The following FHIT variants were observed in gnomAD, a reference collection of about 807,000 sequenced individuals.
The protein encoded by FHIT is bis(5'-adenosyl)-triphosphatase.
A neutral mutation model predicts 17.9 loss-of-function variants in FHIT; 19 were observed. The observed-to-expected ratio is 1.06, with a 90% CI of 0.74 to 1.56. The LOEUF is 1.56. Ranked by LOEUF, FHIT falls within the 40% of genes most tolerant of loss-of-function variation. The pLI is 0.00. For synonymous variants in FHIT, 81 were observed against 69.7 expected (o/e 1.16, Z -0.81); for missense variants, 248 against 189.2 (o/e 1.31, Z -1.82).
intron 4 of FHIT, among the ~76,000 whole-genome samples, chr3:60,673,869 A>G (rs1478034667): frequency 6.6e-6 from 1 of 152,128 alleles, no homozygotes; most frequent in Non-Finnish European, 1.5e-5. Flanking sequence ...GTTGGCCGTC[A>G]TACATCCAGG....
chr3:60,162,052 G>A (rs909367925), intron 5 of FHIT, among the ~76,000 whole-genome samples: 8 of 152,080 alleles, frequency 5.3e-5, no homozygotes, highest in African/African-American at 1.7e-4. Flanking sequence ...GAAATGTATG[G>A]GGAAATGTTA....
intron 5 of FHIT, among the ~76,000 whole-genome samples, chr3:60,055,447 TC>T (rs1329465628): frequency 1.6e-3 from 194 of 123,032 alleles, no homozygotes; most frequent in African/African-American, 5.5e-3. Context: ...TGATGGACTT[TC>T]TTTTTTTTTT....
chr3:59,969,547 G>C (rs1287812041), intron 7 of FHIT, among the ~76,000 whole-genome samples: 1 of 151,924 alleles, frequency 6.6e-6, no homozygotes, highest in Non-Finnish European at 1.5e-5. Context: ...ATTTGGCTCT[G>C]GTAAAAACAA....
chr3:60,739,501 G>A (rs868936907), intron 4 of FHIT, among the ~76,000 whole-genome samples: 7 of 152,144 alleles, frequency 4.6e-5, no homozygotes, highest in East Asian at 1.9e-4. Flanking sequence ...CACCCCTGTC[G>A]CATGCCCCAT....
intron 4 of FHIT, among the ~76,000 whole-genome samples, chr3:60,687,328 C>T (rs1017240800): frequency 1.3e-5 from 2 of 152,140 alleles, no homozygotes; most frequent in Admixed American, 6.5e-5. Context: ...CTAAATACAG[C>T]TTTAGCCATT....
chr3:61,082,546 A>T (rs892965571), intron 2 of FHIT, among the ~76,000 whole-genome samples: 2 of 152,182 alleles, frequency 1.3e-5, no homozygotes, highest in Non-Finnish European at 2.9e-5. Context: ...GAACATTCTC[A>T]CATTTTTAGC....
intron 3 of FHIT, among the ~76,000 whole-genome samples, chr3:60,990,888 A>G (rs1393231474): frequency 1.3e-5 from 2 of 152,246 alleles, no homozygotes; most frequent in Non-Finnish European, 2.9e-5. Context: ...TTGAAAACAT[A>G]CATTTTTCCA....
rs139217046 is a variant in FHIT at position 60,948,260 on chromosome 3, G to A, written c.-111+93787C>T. Among the ~76,000 whole-genome samples, 506 of 152,192 alleles carry A rather than the reference G, an allele frequency of 3.3e-3. 2 individuals are homozygous for A. The highest frequency in any genetic ancestry group is 5.3e-3 in the Non-Finnish European group (363 of 68,006). On this transcript the variant is annotated intron_variant, in intron 3 of 9. Transcript: ENST00000492590. ...TAAGCACTGGCAAGTCAGGCAGAAG[G>A]CCCAAAGGACCTAACAGCCCATAGG...
At chr3:60,766,271 T>C (rs7429680) in intron 4 of FHIT, among the ~76,000 whole-genome samples, 85,929 of 152,038 alleles carry the variant, frequency 0.57, 25,546 homozygotes, top group African/African-American at 0.74. Context: ...CTCTCCTCAT[T>C]GCTGCCTTTC....
intron 5 of FHIT, among the ~76,000 whole-genome samples, chr3:60,020,565 C>T (rs1350071552): frequency 6.6e-6 from 1 of 152,076 alleles, no homozygotes; most frequent in Admixed American, 6.6e-5. Context: ...TTCTTCTGAA[C>T]TAATAAAAAA....
At chr3:60,651,635 T>C (rs1375542773) in intron 4 of FHIT, among the ~76,000 whole-genome samples, 2 of 152,180 alleles carry the variant, frequency 1.3e-5, no homozygotes, top group African/African-American at 4.8e-5. Flanking sequence ...ACTTCTGGGC[T>C]GATCAGTTGG....
At chr3:60,184,741 T>C (rs1471068506) in intron 5 of FHIT, among the ~76,000 whole-genome samples, 1 of 152,240 alleles carries the variant, frequency 6.6e-6, no homozygotes, top group Non-Finnish European at 1.5e-5. Flanking sequence ...CTCCTTGCAG[T>C]ATTTATGAGA....
At position 60,126,691 on chromosome 3, in the gene FHIT, C is replaced by T. The variant is rs146860958; in HGVS notation, c.104-112539G>A. Among the ~76,000 whole-genome samples the T allele has an allele frequency of 7.8e-3, 1,184 of 152,316 alleles. 12 individuals carry two copies. Among genetic ancestry groups the T allele is most frequent in the African/African-American group, 0.026 (1,081 of 41,574 alleles). On this transcript the variant is annotated intron_variant, in intron 5 of 9. Coordinates refer to ENST00000492590, the MANE Select transcript of FHIT (RefSeq NM_002012.4). ...GTCAACCCAATCCACAGCACACGCT[C>T]ATAAATGCTGAAGTATTACCACATT...
chr3:60,006,451 G>A (rs1017068894), intron 7 of FHIT, among the ~76,000 whole-genome samples: 1 of 152,088 alleles, frequency 6.6e-6, no homozygotes, highest in Non-Finnish European at 1.5e-5. Context: ...GAGAAACTGA[G>A]ATTGAGATTA....
chr3:60,637,616 A>G lies in FHIT; in HGVS notation c.-17-100637T>C, dbSNP rs149632829. Reference sequence around the variant, plus strand: ...GGCTGTCTATTGTAAAGCCAATGGGACAAGCATTATGCTTAGATTATTTCA... The same window carrying G: ...GGCTGTCTATTGTAAAGCCAATGGGGCAAGCATTATGCTTAGATTATTTCA... On this transcript the variant is annotated intron_variant, in intron 4 of 9. Transcript: ENST00000492590. Among the ~76,000 whole-genome samples the G allele has an allele frequency of 2.4e-4, 36 of 152,310 alleles. 1 individual carries two copies. Among genetic ancestry groups the G allele is most frequent in the African/African-American group, 8.2e-4 (34 of 41,566 alleles).
rs547818070 is a variant in FHIT at position 60,196,629 on chromosome 3, C to CCA, written c.104-182479_104-182478dup. Among the ~76,000 whole-genome samples the CCA allele has an allele frequency of 3.6e-4, 55 of 152,152 alleles. 2 individuals carry two copies. The South Asian group carries it at 0.011, about 31-fold the overall frequency. ...TCCACCTACCAAAGTGGGTTAGGGA[C>CCA]CACACACCCGCCCTAAGTGCAGACG... On this transcript the variant is annotated intron_variant, in intron 5 of 9. Coordinates refer to ENST00000492590, the MANE Select transcript of FHIT (RefSeq NM_002012.4).
chr3:60,975,054 C>T (rs936758932), intron 3 of FHIT, among the ~76,000 whole-genome samples: 1 of 152,024 alleles, frequency 6.6e-6, no homozygotes, highest in Non-Finnish European at 1.5e-5. Context: ...AGTAATATTC[C>T]CAGGAGAAAG....
chr3:59,840,236 C>T (rs3894425), intron 8 of FHIT, among the ~76,000 whole-genome samples: 1 of 152,076 alleles, frequency 6.6e-6, no homozygotes, highest in African/African-American at 2.4e-5. Context: ...CAAAATGCAA[C>T]TGTGTAATTA....
At chr3:59,752,098 TC>T (rs1700942410) in intron 9 of FHIT, 122 bp downstream of exon 9, 1 of 637,570 alleles carries the variant, frequency 1.6e-6, no homozygotes, top group South Asian at 2.0e-5. Flanking sequence ...CAGCTCTTTG[TC>T]CTTTGCAGCC....
Sources: allele counts gnomAD v4.1 joint callset (sites outside exome capture counted in the v4.1 genomes callset), GRCh38; gene constraint gnomAD v4.1.1; transcripts MANE v1.5; gene names NCBI Gene and HGNC (gene_info 2026-07-23, HGNC 2026-07-21).